CSMD1: variants seen among roughly 807,000 people sequenced by gnomAD.
CSMD1 encodes CUB and Sushi multiple domains 1.
A neutral mutation model predicts 417.5 loss-of-function variants in CSMD1; 213 were observed. The observed-to-expected ratio is 0.51, with a 90% CI of 0.46 to 0.57. The LOEUF is 0.57. CSMD1 is among the 20% of genes least tolerant of loss of function. The pLI, the probability that CSMD1 is intolerant of heterozygous loss-of-function variation, is 0.00. For synonymous variants in CSMD1, 2,862 were observed against 1,736.8 expected (o/e 1.65, Z -16.11); for missense variants, 6,923 against 4,529.7 (o/e 1.53, Z -15.17).
At chr8:3,757,146 A>T (rs1384799726) in intron 5 of CSMD1, among the ~76,000 whole-genome samples, 2 of 151,948 alleles carry the variant, frequency 1.3e-5, no homozygotes, top group Middle Eastern at 6.4e-3. Flanking sequence ...AATGATCACA[A>T]ATAAATCCCC....
In CSMD1 at chr8:4,036,126, A is replaced by T. The variant is rs548416675; in HGVS notation, c.416-4027T>A. Among the ~76,000 whole-genome samples the T allele has an allele frequency of 5.9e-5, 9 of 152,330 alleles. No homozygotes were observed. In the South Asian group the frequency reaches 1.9e-3, roughly 32 times the overall value. On this transcript the variant is annotated intron_variant, in intron 3 of 69. Coordinates refer to ENST00000635120, the MANE Select transcript of CSMD1 (RefSeq NM_033225.6). ...CTCTAGGAGTACTAGGCTACACCAC[A>T]CATCCTAGGTGCGTAGTAGGCCGCA...
intron 6 of CSMD1, among the ~76,000 whole-genome samples, chr8:3,724,104 A>G (rs149522700): frequency 0.018 from 968 of 53,160 alleles, 13 homozygotes; most frequent in Non-Finnish European, 0.058. Context: ...CACATTAAAT[A>G]CGAAAGCAGA....
chr8:4,280,526 T>C (rs889545371), intron 3 of CSMD1, among the ~76,000 whole-genome samples: 2 of 152,242 alleles, frequency 1.3e-5, no homozygotes, highest in Non-Finnish European at 2.9e-5. Context: ...GCAAATTGTT[T>C]ACAGTGCCCA....
chr8:4,060,347 G>A (rs1038237913), intron 3 of CSMD1, among the ~76,000 whole-genome samples: 5 of 152,126 alleles, frequency 3.3e-5, no homozygotes, highest in Admixed American at 2.0e-4. Context: ...ATACTGAATG[G>A]GCCAAAACTG....
chr8:4,571,414 A>T (rs1210061844), intron 2 of CSMD1, among the ~76,000 whole-genome samples: 1 of 152,204 alleles, frequency 6.6e-6, no homozygotes, highest in Non-Finnish European at 1.5e-5. Flanking sequence ...GTGGTCATTT[A>T]GGAGCAGGTT....
chr8:4,746,016 A>C (rs1270563169), intron 1 of CSMD1, among the ~76,000 whole-genome samples: 1 of 152,222 alleles, frequency 6.6e-6, no homozygotes, highest in Non-Finnish European at 1.5e-5. Context: ...AAATCTTCTA[A>C]ACTGTAAAAT....
intron 3 of CSMD1, among the ~76,000 whole-genome samples, chr8:4,076,373 G>A (rs760863754): frequency 6.6e-6 from 1 of 152,150 alleles, no homozygotes; most frequent in African/African-American, 2.4e-5. Flanking sequence ...AAGTTACCCT[G>A]TCTGAGGTAG....
chr8:3,641,955 G>C (rs1037923502), intron 7 of CSMD1, among the ~76,000 whole-genome samples: 11 of 152,142 alleles, frequency 7.2e-5, no homozygotes, highest in Admixed American at 5.9e-4. Flanking sequence ...GTGAATCCCT[G>C]ACACAGATGG....
Position 4,606,547 on chromosome 8 carries a change from A to T in CSMD1, c.302+30795T>A, listed in dbSNP as rs538141172. 3.3e-5 allele frequency among the ~76,000 whole-genome samples: 5 copies of T among 152,292 alleles called. No individual in the cohort carries two copies. The East Asian group carries it at 9.7e-4, about 30-fold the overall frequency. Reference sequence around the variant, plus strand: ...AGCGGCCAATGGCAGCAGGGCTGTCAGCTGCTGAAACACAGCACTGTTCTC... The same window carrying T: ...AGCGGCCAATGGCAGCAGGGCTGTCTGCTGCTGAAACACAGCACTGTTCTC... On this transcript the variant is annotated intron_variant, in intron 2 of 69. Transcript: ENST00000635120.
chr8:3,700,059 A>G (rs1030010441), intron 7 of CSMD1, among the ~76,000 whole-genome samples: 1 of 152,190 alleles, frequency 6.6e-6, no homozygotes, highest in Non-Finnish European at 1.5e-5. Context: ...AGTAGAAAAT[A>G]TGCCTGTCCT....
In CSMD1 at chr8:4,581,827, G is replaced by A. The variant is rs188797077; in HGVS notation, c.302+55515C>T. On this transcript the variant is annotated intron_variant, in intron 2 of 69. Transcript: ENST00000635120. ...AGCAAATGAGTCAGGAAGCCTGGGA[G>A]GGCACAAAGCACTGACCCAAATCTC... 8.5e-3 allele frequency among the ~76,000 whole-genome samples: 1,301 copies of A among 152,254 alleles called. 16 individuals are homozygous for A. Among genetic ancestry groups the A allele is most frequent in the Non-Finnish European group, 9.0e-3 (614 of 68,016 alleles).
chr8:4,963,055 G>A (rs1046397738), intron 1 of CSMD1, among the ~76,000 whole-genome samples: 9 of 152,114 alleles, frequency 5.9e-5, no homozygotes, highest in Non-Finnish European at 1.3e-4. Context: ...GCATGGAACT[G>A]CACCCAGGAG....
chr8:3,011,992 C>T (rs551641493), intron 52 of CSMD1, among the ~76,000 whole-genome samples: 87 of 152,310 alleles, frequency 5.7e-4, no homozygotes, highest in African/African-American at 1.8e-3. Flanking sequence ...GTGCTTAATT[C>T]TGTGGCCTGG....
chr8:4,268,972 C>A (rs1297752001), intron 3 of CSMD1, among the ~76,000 whole-genome samples: 3 of 152,082 alleles, frequency 2.0e-5, no homozygotes, highest in African/African-American at 7.2e-5. Flanking sequence ...TTTATTTTTT[C>A]AATATATGAA....
chr8:4,243,697 C>A (rs779292434), intron 3 of CSMD1, among the ~76,000 whole-genome samples: 1 of 152,096 alleles, frequency 6.6e-6, no homozygotes, highest in African/African-American at 2.4e-5. Context: ...ATTTCCATCT[C>A]ATGGTATCGT....
At chr8:4,706,650 A>G (rs903378999) in intron 1 of CSMD1, among the ~76,000 whole-genome samples, 6 of 152,246 alleles carry the variant, frequency 3.9e-5, no homozygotes, top group Non-Finnish European at 7.3e-5. Flanking sequence ...AGAAATAAAG[A>G]TAAACAATTT....
intron 3 of CSMD1, among the ~76,000 whole-genome samples, chr8:4,408,879 T>C (rs1397644214): frequency 1.3e-5 from 2 of 152,142 alleles, no homozygotes; most frequent in Admixed American, 6.5e-5. Flanking sequence ...GAAACACAGA[T>C]CCTTGTTTGA....
chr8:3,390,037 A>T (rs551959222), intron 17 of CSMD1, among the ~76,000 whole-genome samples: 88 of 152,214 alleles, frequency 5.8e-4, no homozygotes, highest in African/African-American at 2.0e-3. Flanking sequence ...AAGAATCCTG[A>T]AACAAGAAAA....
At chr8:3,387,164 G>C (rs1457801232) in intron 18 of CSMD1, among the ~76,000 whole-genome samples, 1 of 152,184 alleles carries the variant, frequency 6.6e-6, no homozygotes, top group Non-Finnish European at 1.5e-5. Flanking sequence ...AATCAGGTCT[G>C]ACATCCTAGG....
Sources: gnomAD v4.1 joint callset for allele counts (sites outside exome capture counted in the v4.1 genomes callset) on GRCh38, gnomAD v4.1.1 for gene constraint, MANE v1.5 for transcripts, NCBI Gene and HGNC (gene_info 2026-07-23, HGNC 2026-07-21) for gene names.